The following OGFOD1 variants were observed in gnomAD, a reference collection of about 807,000 sequenced individuals.
OGFOD1 encodes prolyl 3-hydroxylase OGFOD1.
In OGFOD1, 54 loss-of-function variants were observed where a neutral mutation model predicts 67.7. The ratio of observed to expected loss-of-function variants is 0.80; its 90% CI spans 0.64 to 1.00. The LOEUF (loss-of-function observed/expected upper bound fraction) is 1.00, where lower values mean the gene tolerates loss of function less well. OGFOD1 is among the 50% of genes least tolerant of loss of function. The pLI is 0.00. For synonymous variants in OGFOD1, 221 were observed against 227.0 expected (o/e 0.97, Z 0.24); for missense variants, 606 against 646.7 (o/e 0.94, Z 0.68).
At chr16:56,453,438 C>G (rs750617584) in intron 2 of OGFOD1, 30 bp downstream of exon 2, 10 of 1,596,598 alleles carry the variant, frequency 6.3e-6, no homozygotes, top group Middle Eastern at 1.7e-4. Flanking sequence ...ATTAACTCTT[C>G]CAGCTTGGAA....
chr16:56,459,811 G>A (rs1962650132), intron 3 of OGFOD1, among the ~76,000 whole-genome samples: 1 of 152,128 alleles, frequency 6.6e-6, no homozygotes, highest in Non-Finnish European at 1.5e-5. Context: ...CCTACATTTG[G>A]ATGTCTGTGT....
chr16:56,475,222 G>T (rs1026866469), intron 11 of OGFOD1, among the ~76,000 whole-genome samples: 3 of 152,128 alleles, frequency 2.0e-5, no homozygotes, highest in African/African-American at 7.2e-5. Flanking sequence ...TTATGTAATT[G>T]CCCTTCTGGG....
chr16:56,463,649 T>C (rs1293643400), intron 4 of OGFOD1, among the ~76,000 whole-genome samples: 1 of 151,860 alleles, frequency 6.6e-6, no homozygotes, highest in Non-Finnish European at 1.5e-5. Flanking sequence ...CTCAAACTCC[T>C]GACCTCAAGT....
intron 7 of OGFOD1, 35 bp from the exon 8 acceptor site, chr16:56,467,870 T>C (rs1345401297): frequency 5.2e-6 from 5 of 957,178 alleles, no homozygotes; most frequent in Middle Eastern, 2.1e-4. Flanking sequence ...TAGGAATTAT[T>C]AACTCACATT....
At chr16:56,456,816 T>G (rs1962538128) in intron 2 of OGFOD1, among the ~76,000 whole-genome samples, 2 of 152,240 alleles carry the variant, frequency 1.3e-5, no homozygotes, top group African/African-American at 4.8e-5. Flanking sequence ...TATTAAGTTC[T>G]ACCATCTAGA....
At chr16:56,457,169 A>T (rs1467953730) in intron 2 of OGFOD1, among the ~76,000 whole-genome samples, 1 of 152,268 alleles carries the variant, frequency 6.6e-6, no homozygotes, top group Non-Finnish European at 1.5e-5. Context: ...ATTGCCAAAA[A>T]GTGGAAACAA....
chr16:56,466,702 A>AGAT (rs1305860803), intron 5 of OGFOD1, 174 bp from the exon 6 acceptor site: 1 of 644,268 alleles, frequency 1.6e-6, no homozygotes, highest in East Asian at 2.5e-5. Context: ...TAGTAAGAAC[A>AGAT]GATGCCACGT....
chr16:56,473,539 A>G (rs377099087), intron 10 of OGFOD1, among the ~76,000 whole-genome samples: 18 of 152,308 alleles, frequency 1.2e-4, no homozygotes, highest in African/African-American at 4.1e-4. Context: ...CAAAACTTGT[A>G]TCAGTCTGCA....
intron 2 of OGFOD1, among the ~76,000 whole-genome samples, chr16:56,455,955 T>TGAA (rs1389350799): frequency 1.3e-5 from 2 of 152,234 alleles, no homozygotes; most frequent in Non-Finnish European, 2.9e-5. Context: ...GTGCTTCTCT[T>TGAA]GACAGCAGAA....
intron 11 of OGFOD1, 60 bp from the exon 12 acceptor site, chr16:56,475,447 T>C: frequency 6.8e-7 from 1 of 1,463,240 alleles, no homozygotes; most frequent in Non-Finnish European, 9.6e-7. Flanking sequence ...GTGATTTAAG[T>C]AGATGGTGCG....
At chr16:56,474,615 C>T (rs919031009) in intron 10 of OGFOD1, among the ~76,000 whole-genome samples, 1 of 151,996 alleles carries the variant, frequency 6.6e-6, no homozygotes, top group Non-Finnish European at 1.5e-5. Context: ...CCACCATGCC[C>T]GGCCCAAAAT....
Position 56,476,069 on chromosome 16 carries a change from A to T in OGFOD1, c.1493A>T (p.Asn498Ile). 6.2e-7 allele frequency: 1 copy of T among 1,613,168 alleles called. No individual in the cohort carries two copies. Among genetic ancestry groups the T allele is most frequent in the Non-Finnish European group, 8.5e-7 (1 of 1,179,720 alleles). ...EELLTVNPES[N>I]SLALVYRDRE... ...CTGCTAACAGTGAATCCAGAAAGCAATTCTTTGGCATTGGTCTACAGAGAC... is the reference window on the plus strand; with the variant it reads ...CTGCTAACAGTGAATCCAGAAAGCATTTCTTTGGCATTGGTCTACAGAGAC... Residue 498 changes from asparagine (N) to isoleucine (I), a missense_variant, in exon 13 of 13, where the codon AAT becomes ATT. Asn to Ile is a moderately radical substitution (Grantham distance 149, BLOSUM62 -3). Coordinates refer to ENST00000566157, the MANE Select transcript of OGFOD1 (RefSeq NM_018233.4).
intron 3 of OGFOD1, among the ~76,000 whole-genome samples, chr16:56,459,230 C>T (rs1446409066): frequency 6.6e-6 from 1 of 152,028 alleles, no homozygotes; most frequent in Non-Finnish European, 1.5e-5. Context: ...ATCCCAGCTA[C>T]TCAGGAGGCT....
At position 56,470,761 on chromosome 16, in the gene OGFOD1, C is replaced by G. The variant is rs372564103; in HGVS notation, c.1255C>G (p.Pro419Ala). 4.0e-5 allele frequency: 64 copies of G among 1,602,556 alleles called. No individual in the cohort carries two copies. The highest frequency in any genetic ancestry group is 5.2e-5 in the Non-Finnish European group (61 of 1,175,366). The part of the protein sequence containing the change: ...NSQQSNEQTD[P>A]EPEENETKKE... ...CCAACAGAGCAATGAGCAGACAGAC[C>G]CAGAGCCAGAGGAAAATGAAACAAA... Residue 419 changes from proline (P) to alanine (A), a missense_variant, in exon 10 of 13, where the codon CCA becomes GCA. Pro to Ala is a conservative substitution (Grantham distance 27, BLOSUM62 -1). Coordinates refer to ENST00000566157, the MANE Select transcript of OGFOD1 (RefSeq NM_018233.4).
chr16:56,468,744 A>G lies in OGFOD1; in HGVS notation c.900+726A>G, dbSNP rs1050108388. Among the ~76,000 whole-genome samples the G allele has an allele frequency of 8.5e-5, 13 of 152,058 alleles. No individual in the cohort carries two copies. In the East Asian group the frequency reaches 1.7e-3, roughly 20 times the overall value. Reference sequence around the variant, plus strand: ...CCGTCTCAAAAAAAAAAAAAAAAGAAATCAGAAAACTTATTCTCATGCCCT... The same window carrying G: ...CCGTCTCAAAAAAAAAAAAAAAAGAGATCAGAAAACTTATTCTCATGCCCT... On this transcript the variant is annotated intron_variant, in intron 8 of 12. Coordinates refer to ENST00000566157, the MANE Select transcript of OGFOD1 (RefSeq NM_018233.4).
chr16:56,470,666 T>C lies in OGFOD1; in HGVS notation c.1160T>C (p.Ile387Thr), dbSNP rs1372394116. Residue 387 changes from isoleucine (I) to threonine (T), a missense_variant, in exon 10 of 13, where the codon ATC becomes ACC. Transcript: ENST00000566157. ...AAAAAAGAGGCAGAAACCACTGATA[T>C]CACTGAAGAAGGGACTAGCCATAGT... ...NDKKEAETTD[I>T]TEEGTSHSPP... is the part of the protein sequence containing the mutation. 4 of 1,614,100 alleles carry C rather than the reference T, an allele frequency of 2.5e-6. No homozygotes were observed. The highest frequency in any genetic ancestry group is 2.5e-6 in the Non-Finnish European group (3 of 1,180,018).
At chr16:56,475,279 T>G (rs760424131) in intron 11 of OGFOD1, among the ~76,000 whole-genome samples, 1 of 152,244 alleles carries the variant, frequency 6.6e-6, no homozygotes, top group Admixed American at 6.5e-5. Flanking sequence ...TCAAAGTTTA[T>G]TGAAATAAGA....
rs1203433880 is a variant in OGFOD1, at chr16:56,476,621, A to G, written c.*416A>G. 6.5e-6 allele frequency: 1 copy of G among 153,824 alleles called. No homozygotes were observed. The highest frequency in any genetic ancestry group is 1.4e-5 in the Non-Finnish European group (1 of 69,396). The allele number at this position is 153,824 out of a possible 1,614,324, so 9.5% of individuals were successfully genotyped here. On this transcript the variant is annotated 3_prime_UTR_variant, in exon 13 of 13. Coordinates refer to ENST00000566157, the MANE Select transcript of OGFOD1 (RefSeq NM_018233.4). Reference sequence around the variant, plus strand: ...CATCATCCATCTCCAGAAGTTTTCCATCTTCCCAAATTCTGTGCCCATTGA... The same window carrying G: ...CATCATCCATCTCCAGAAGTTTTCCGTCTTCCCAAATTCTGTGCCCATTGA...
chr16:56,454,278 G>A (rs537894836), intron 2 of OGFOD1, among the ~76,000 whole-genome samples: 54 of 152,266 alleles, frequency 3.5e-4, no homozygotes, highest in African/African-American at 1.2e-3. Context: ...AACCCAGGAG[G>A]TGGAGGTTGC....
Sources: gnomAD v4.1 joint callset for allele counts (sites outside exome capture counted in the v4.1 genomes callset) on GRCh38, gnomAD v4.1.1 for gene constraint, MANE v1.5 for transcripts, NCBI Gene and HGNC (gene_info 2026-07-23, HGNC 2026-07-21) for gene names.